SPOP: variants seen among roughly 807,000 people sequenced by gnomAD.
SPOP encodes the protein speckle type BTB/POZ protein, also known as speckle-type POZ protein.
A neutral mutation model predicts 45.6 loss-of-function variants in SPOP; 11 were observed. The ratio of observed to expected loss-of-function variants is 0.24; its 90% CI spans 0.15 to 0.40. The LOEUF is 0.40. SPOP is among the 10% of genes least tolerant of loss of function. The pLI is 1.00. For synonymous variants in SPOP, 166 were observed against 166.3 expected, an observed-to-expected ratio of 1.00 and a Z score of 0.01; for missense variants, 152 against 465.6, an observed-to-expected ratio of 0.33 and a Z score of 6.20.
chr17:49,626,644 G>A (rs1042715181), intron 1 of SPOP, among the ~76,000 whole-genome samples: 3 of 151,814 alleles, frequency 2.0e-5, no homozygotes, highest in African/African-American at 7.3e-5. Flanking sequence ...AGGTTGCAGT[G>A]AGCCAAGATG....
intron 1 of SPOP, among the ~76,000 whole-genome samples, chr17:49,628,970 G>A (rs540136833): frequency 6.6e-5 from 10 of 152,138 alleles, no homozygotes; most frequent in Admixed American, 1.3e-4. Context: ...AAGGCCAGGC[G>A]TGGTGGCTCA....
At chr17:49,631,120 C>A (rs1229017925) in intron 1 of SPOP, among the ~76,000 whole-genome samples, 1 of 152,158 alleles carries the variant, frequency 6.6e-6, no homozygotes, top group Non-Finnish European at 1.5e-5. Context: ...CCAGCAATTT[C>A]ACTTCTAGAA....
At chr17:49,601,534 T>C (rs2071740395) in intron 9 of SPOP, 1 of 204,166 alleles carries the variant, frequency 4.9e-6, no homozygotes, top group Non-Finnish European at 1.0e-5. Flanking sequence ...TAAACATATG[T>C]CTATCCTCCT....
chr17:49,675,240 T>A (rs2073184207), intron 1 of SPOP, among the ~76,000 whole-genome samples: 1 of 151,970 alleles, frequency 6.6e-6, no homozygotes, highest in Non-Finnish European at 1.5e-5. Flanking sequence ...CCAATAAGTG[T>A]TGGCTGAATG....
chr17:49,613,307 A>G (rs1251642922), intron 5 of SPOP, among the ~76,000 whole-genome samples: 1 of 152,064 alleles, frequency 6.6e-6, no homozygotes, highest in Non-Finnish European at 1.5e-5. Flanking sequence ...AAGACCAATT[A>G]AATCCAACTT....
rs552595434 is a variant in SPOP, at chr17:49,613,861, A to G, written c.481-2404T>C. Among the ~76,000 whole-genome samples the G allele has an allele frequency of 2.0e-5, 3 of 152,358 alleles. No homozygotes were observed. The East Asian group carries it at 5.8e-4, about 29-fold the overall frequency. On this transcript the variant is annotated intron_variant, in intron 5 of 9. Coordinates refer to ENST00000504102, the MANE Select transcript of SPOP (RefSeq NM_001007228.2). ...GATGCTAAAATGAGACCATTCTGAGAAAAACTAAAGATTTTTTTTAATGCC... is the reference window on the plus strand; with the variant it reads ...GATGCTAAAATGAGACCATTCTGAGGAAAACTAAAGATTTTTTTTAATGCC...
rs2071724518 is a variant in SPOP, at chr17:49,600,761, A to C, written c.981-239T>G. ...AGCCACTATATTCTCAAAAACAAAA[A>C]GCAGAATGTTCCCCAGGCCCCCAAC... On this transcript the variant is annotated intron_variant, in intron 9 of 9. Coordinates refer to ENST00000504102, the MANE Select transcript of SPOP (RefSeq NM_001007228.2). This position sits in a 1 kb window ranked among gnomAD's most constrained non-coding sequence, Gnocchi z 4.2. 1 of 498,074 alleles carries C rather than the reference A, an allele frequency of 2.0e-6. No homozygotes were observed. Among genetic ancestry groups the C allele is most frequent in the African/African-American group, 1.9e-5 (1 of 52,076 alleles). The allele number at this position is 498,074 out of a possible 1,614,324, so 30.9% of individuals were successfully genotyped here. A position where few individuals can be genotyped will look rare whatever the true frequency, so the allele number is the denominator to read the frequency against.
intron 1 of SPOP, among the ~76,000 whole-genome samples, chr17:49,639,461 A>C (rs577106514): frequency 2.4e-4 from 36 of 152,200 alleles, no homozygotes; most frequent in Middle Eastern, 3.4e-3. Flanking sequence ...TTAACAGCCA[A>C]AAACTAGAAA....
intron 1 of SPOP, among the ~76,000 whole-genome samples, chr17:49,677,343 C>T (rs932245070): frequency 1.5e-4 from 23 of 152,340 alleles, no homozygotes; most frequent in African/African-American, 4.1e-4. Flanking sequence ...GTGTGGGACA[C>T]GCTGGCTCTG....
chr17:49,620,467 C>CAAA (rs755698106), intron 3 of SPOP, among the ~76,000 whole-genome samples: 6 of 66,916 alleles, frequency 9.0e-5, no homozygotes, highest in Non-Finnish European at 1.2e-4. Flanking sequence ...GACTCTGTCT[C>CAAA]AAAAAAAAAA....
intron 5 of SPOP, among the ~76,000 whole-genome samples, chr17:49,617,126 C>A (rs1247266590): frequency 6.6e-6 from 1 of 152,122 alleles, no homozygotes; most frequent in South Asian, 2.1e-4. Flanking sequence ...AAGGCTGGAC[C>A]CACTGTGGAC....
At position 49,622,769 on chromosome 17, in the gene SPOP, C is replaced by A. The variant is rs150193528; in HGVS notation, c.42G>T (p.Ser14=). The change falls in exon 2 of 10, where the codon TCG becomes TCT. Residue 14 remains serine, a synonymous_variant. Transcript: ENST00000504102. ...ACCAACTCTCAGCTACGGGGCCACT[C>A]GACATTTCTGCCGGAGGTGGAGGAC... ...VPSPPPPAEM[S]SGPVAESWCY... is the part of the protein sequence containing the mutation. The A allele has an allele frequency of 6.2e-7, 1 of 1,614,100 alleles. No homozygotes were observed. The highest frequency in any genetic ancestry group is 8.5e-7 in the Non-Finnish European group (1 of 1,180,002).
intron 1 of SPOP, among the ~76,000 whole-genome samples, chr17:49,660,480 A>C (rs1391900267): frequency 6.6e-6 from 1 of 152,098 alleles, no homozygotes; most frequent in Non-Finnish European, 1.5e-5. Flanking sequence ...TTTCCAATAA[A>C]CCATATATTT....
intron 1 of SPOP, among the ~76,000 whole-genome samples, chr17:49,637,680 A>G (rs144856762): frequency 7.8e-4 from 119 of 152,264 alleles, no homozygotes; most frequent in African/African-American, 2.7e-3. Context: ...AAACTGACCT[A>G]TGAGTGCAGC....
chr17:49,619,453 C>T lies in SPOP; in HGVS notation c.201-68G>A, dbSNP rs977339910. 1.3e-6 allele frequency: 2 copies of T among 1,515,024 alleles called. No individual in the cohort carries two copies. Among genetic ancestry groups the T allele is most frequent in the Admixed American group, 4.6e-5 (2 of 43,304 alleles). The allele number at this position is 1,515,024 out of a possible 1,614,324, so 93.8% of individuals were successfully genotyped here. ...TTTTGATAGAACTGGAAATCAGACT[C>T]AAGAGAGGGAGATGTTTAAAAAACA... On this transcript the variant is annotated intron_variant, in intron 3 of 9. Coordinates refer to ENST00000504102, the MANE Select transcript of SPOP (RefSeq NM_001007228.2). The surrounding 1 kb of genome is among the most constrained non-coding windows in gnomAD (Gnocchi z 4.9).
At position 49,619,504 on chromosome 17, in the gene SPOP, A is replaced by G. The variant is rs180711743; in HGVS notation, c.201-119T>C. The G allele has an allele frequency of 2.6e-5, 28 of 1,064,868 alleles. No homozygotes were observed. The Admixed American group carries it at 5.5e-4, about 21-fold the overall frequency. The allele number at this position is 1,064,868 out of a possible 1,614,324, so 66.0% of individuals were successfully genotyped here. A position where few individuals can be genotyped will look rare whatever the true frequency, so the allele number is the denominator to read the frequency against. ...AATGCAGGCCCCATAGAAGAATATAATTCAGTAGAATGACTAGTTGGGAAC... is the reference window on the plus strand; with the variant it reads ...AATGCAGGCCCCATAGAAGAATATAGTTCAGTAGAATGACTAGTTGGGAAC... On this transcript the variant is annotated intron_variant, in intron 3 of 9. Coordinates refer to ENST00000504102, the MANE Select transcript of SPOP (RefSeq NM_001007228.2). This position sits in a 1 kb window ranked among gnomAD's most constrained non-coding sequence, Gnocchi z 4.9.
chr17:49,654,054 T>C (rs1186853021), intron 1 of SPOP, among the ~76,000 whole-genome samples: 4 of 152,170 alleles, frequency 2.6e-5, no homozygotes, highest in African/African-American at 9.6e-5. Context: ...TACAACTAAA[T>C]TCCTCTACAT....
chr17:49,606,495 C>CTTTTT (rs71146920), intron 8 of SPOP, among the ~76,000 whole-genome samples: 2 of 69,312 alleles, frequency 2.9e-5, no homozygotes, highest in Non-Finnish European at 5.5e-5. Context: ...TTTCTTTTTT[C>CTTTTT]TTTTTTTTTT....
intron 1 of SPOP, among the ~76,000 whole-genome samples, chr17:49,638,738 A>T (rs1371766252): frequency 6.6e-6 from 1 of 152,254 alleles, no homozygotes; most frequent in Non-Finnish European, 1.5e-5. Flanking sequence ...AAACTGTGCT[A>T]AATGACTGAT....
Sources: allele counts gnomAD v4.1 joint callset (sites outside exome capture counted in the v4.1 genomes callset), GRCh38; gene constraint gnomAD v4.1.1; non-coding constraint Gnocchi (gnomAD v3.1); transcripts MANE v1.5; gene names NCBI Gene and HGNC (gene_info 2026-07-23, HGNC 2026-07-21).